EPHB1: variants seen among roughly 807,000 people sequenced by gnomAD.
EPHB1 encodes ephrin type-B receptor 1.
A neutral mutation model predicts 94.4 loss-of-function variants in EPHB1; 30 were observed. The observed-to-expected ratio is 0.32, with a 90% CI of 0.24 to 0.43. EPHB1 has a LOEUF of 0.43. Among genes scored for constraint, EPHB1 ranks in the 20% least tolerant of loss-of-function variants. The probability of loss-of-function intolerance (pLI) is 1.00; values close to 1 mark genes in which losing one functional copy is unlikely to be tolerated. For synonymous variants in EPHB1, 522 were observed against 489.1 expected (o/e 1.07, Z -0.89); for missense variants, 1,055 against 1,308.3 (o/e 0.81, Z 2.99).
chr3:135,171,438 A>T (rs1160908375), intron 9 of EPHB1, among the ~76,000 whole-genome samples: 2 of 152,052 alleles, frequency 1.3e-5, no homozygotes, highest in Non-Finnish European at 2.9e-5. Context: ...TAAATTCATG[A>T]CTCAGGTGCA....
intron 9 of EPHB1, among the ~76,000 whole-genome samples, chr3:135,171,242 T>C (rs1272171379): frequency 6.6e-6 from 1 of 152,208 alleles, no homozygotes; most frequent in Non-Finnish European, 1.5e-5. Flanking sequence ...GAATTGCAGA[T>C]GGAGTGAATT....
intron 15 of EPHB1, among the ~76,000 whole-genome samples, chr3:135,257,391 T>G (rs1429580071): frequency 6.6e-6 from 1 of 151,544 alleles, no homozygotes; most frequent in Non-Finnish European, 1.5e-5. Flanking sequence ...ACAGATGGGT[T>G]TTTGGTGTGG....
At chr3:135,101,303 T>C (rs1939027728) in intron 3 of EPHB1, among the ~76,000 whole-genome samples, 1 of 152,192 alleles carries the variant, frequency 6.6e-6, no homozygotes, top group East Asian at 1.9e-4. Flanking sequence ...TCCCTTTGTC[T>C]TTTCCTCTTC....
At chr3:135,004,756 C>T (rs1177870800) in intron 3 of EPHB1, among the ~76,000 whole-genome samples, 1 of 151,794 alleles carries the variant, frequency 6.6e-6, no homozygotes, top group East Asian at 1.9e-4. Flanking sequence ...TGCATCGGCT[C>T]CTGAGGCTTC....
rs775946369 is a variant in EPHB1 at position 135,259,166 on chromosome 3, T to G, written c.*46T>G. 1 of 1,475,856 alleles carries G rather than the reference T, an allele frequency of 6.8e-7. No homozygotes were observed. The highest frequency in any genetic ancestry group is 1.9e-5 in the Admixed American group (1 of 52,390). The allele number at this position is 1,475,856 out of a possible 1,614,324, so 91.4% of individuals were successfully genotyped here. On this transcript the variant is annotated 3_prime_UTR_variant, in exon 16 of 16. Transcript: ENST00000398015. The stretch of plus-strand genomic sequence containing the variant: ...AGGAGAGGAGGGAAAAGGACCAGGG[T>G]CAAGGGGGACCAGAGGTTGACCACT...
intron 9 of EPHB1, among the ~76,000 whole-genome samples, chr3:135,177,443 G>A (rs1362715051): frequency 2.0e-5 from 3 of 150,688 alleles, no homozygotes; most frequent in African/African-American, 7.3e-5. Flanking sequence ...AGCCTCCCCT[G>A]CCCACCCGTA....
chr3:135,050,017 T>C (rs1214940249), intron 3 of EPHB1, among the ~76,000 whole-genome samples: 2 of 152,206 alleles, frequency 1.3e-5, no homozygotes, highest in Non-Finnish European at 2.9e-5. Flanking sequence ...TCTTACCTTT[T>C]TGTCTTCACA....
At chr3:135,186,257 A>G (rs995742275) in intron 10 of EPHB1, among the ~76,000 whole-genome samples, 1 of 152,236 alleles carries the variant, frequency 6.6e-6, no homozygotes, top group African/African-American at 2.4e-5. Context: ...AGCAGGTTCC[A>G]TCTCATGTGC....
intron 1 of EPHB1, among the ~76,000 whole-genome samples, chr3:134,844,328 A>G (rs531259269): frequency 2.0e-5 from 3 of 152,166 alleles, no homozygotes; most frequent in Non-Finnish European, 2.9e-5. Flanking sequence ...GGTCATTTTG[A>G]AGTCTGCTCT....
Position 135,042,152 on chromosome 3 carries a change from G to A in EPHB1, c.806-64296G>A, listed in dbSNP as rs573299719. ...TTGCCATATTGCCCAGGCTGGACTC[G>A]AACTCTTGGACTCAAATGATCCAAC... On this transcript the variant is annotated intron_variant, in intron 3 of 15. Coordinates refer to ENST00000398015, the MANE Select transcript of EPHB1 (RefSeq NM_004441.5). Among the ~76,000 whole-genome samples, 11 of 152,194 alleles carry A rather than the reference G, an allele frequency of 7.2e-5. No homozygotes were observed. In the East Asian group the frequency reaches 1.7e-3, roughly 24 times the overall value.
At position 135,188,672 on chromosome 3, in the gene EPHB1, G is replaced by A. The variant is rs560842000; in HGVS notation, c.1883-3904G>A. ...TAAGTTCTGGAGAAATGAAGGGCCC[G>A]CCAACATCCAATGTCTCAGGTGTTG... On this transcript the variant is annotated intron_variant, in intron 10 of 15. Coordinates refer to ENST00000398015, the MANE Select transcript of EPHB1 (RefSeq NM_004441.5). 9.7e-4 allele frequency among the ~76,000 whole-genome samples: 147 copies of A among 152,196 alleles called. 1 individual carries two copies. The highest frequency in any genetic ancestry group is 9.1e-3 in the South Asian group (44 of 4,810).
intron 10 of EPHB1, among the ~76,000 whole-genome samples, chr3:135,181,206 C>G (rs916210026): frequency 6.6e-6 from 1 of 152,224 alleles, no homozygotes; most frequent in African/African-American, 2.4e-5. Flanking sequence ...TGAATAGCTT[C>G]GTCCTCACAC....
At chr3:134,947,308 CCT>C (rs1442848938) in intron 2 of EPHB1, among the ~76,000 whole-genome samples, 1 of 152,148 alleles carries the variant, frequency 6.6e-6, no homozygotes, top group Admixed American at 6.5e-5. Context: ...ACCAACATCT[CCT>C]CTTTCTTCGA....
intron 1 of EPHB1, among the ~76,000 whole-genome samples, chr3:134,908,766 G>A (rs1368769633): frequency 6.6e-6 from 1 of 152,054 alleles, no homozygotes; most frequent in Admixed American, 6.6e-5. Context: ...GGGAGGAGGA[G>A]GAAGGTGAGG....
intron 3 of EPHB1, among the ~76,000 whole-genome samples, chr3:135,061,059 T>A (rs1250562078): frequency 2.0e-5 from 3 of 152,170 alleles, no homozygotes; most frequent in Non-Finnish European, 2.9e-5. Flanking sequence ...GTCTTTCTGT[T>A]TCTGGCTTAT....
intron 1 of EPHB1, among the ~76,000 whole-genome samples, chr3:134,882,807 TTTCTTTC>T (rs2037780493): frequency 5.2e-5 from 4 of 77,426 alleles, no homozygotes; most frequent in African/African-American, 8.9e-5. Flanking sequence ...TCTTTCTTTC[TTTCTTTC>T]TTTCTTTCTT....
Position 135,233,206 on chromosome 3 carries a change from A to G in EPHB1, c.2347-7942A>G, listed in dbSNP as rs1943572269. ...GTGACAAGGCAGGTCTCTTCCACCT[A>G]TGAGCCTGTAAAATCAAAAGCAAAT... On this transcript the variant is annotated intron_variant, in intron 12 of 15. Coordinates refer to ENST00000398015, the MANE Select transcript of EPHB1 (RefSeq NM_004441.5). Among the ~76,000 whole-genome samples, 6 of 152,232 alleles carry G rather than the reference A, an allele frequency of 3.9e-5. No individual in the cohort carries two copies. In the South Asian group the frequency reaches 1.2e-3, roughly 32 times the overall value.
At chr3:135,229,206 G>A (rs1285343443) in intron 12 of EPHB1, among the ~76,000 whole-genome samples, 2 of 152,184 alleles carry the variant, frequency 1.3e-5, no homozygotes, top group African/African-American at 4.8e-5. Context: ...AGCTCCGTCA[G>A]CACTGGCACA....
At chr3:135,158,033 G>A (rs1440120930) in intron 6 of EPHB1, among the ~76,000 whole-genome samples, 2 of 152,208 alleles carry the variant, frequency 1.3e-5, no homozygotes, top group East Asian at 1.9e-4. Context: ...CTTGATAGGA[G>A]AGTGGATGCA....
Sources: allele counts gnomAD v4.1 joint callset (sites outside exome capture counted in the v4.1 genomes callset), GRCh38; gene constraint gnomAD v4.1.1; transcripts MANE v1.5; gene names NCBI Gene and HGNC (gene_info 2026-07-23, HGNC 2026-07-21).